Variants in TMEM222 observed in about 807,000 individuals in gnomAD.
The protein encoded by TMEM222 is chromosome 1 open reading frame 160.
A neutral mutation model predicts 25.1 loss-of-function variants in TMEM222; 18 were observed. The observed-to-expected ratio is 0.72, with a 90% CI of 0.50 to 1.06. TMEM222 has a LOEUF of 1.06. TMEM222 is among the 50% of genes least tolerant of loss of function. The pLI is 0.00. For synonymous variants in TMEM222, 131 were observed against 117.9 expected (o/e 1.11, Z -0.72); for missense variants, 296 against 293.7 (o/e 1.01, Z -0.06).
At chr1:27,329,521 G>A (rs181077950) in intron 1 of TMEM222, among the ~76,000 whole-genome samples, 1 of 152,224 alleles carries the variant, frequency 6.6e-6, no homozygotes, top group East Asian at 1.9e-4. Context: ...GTCTGTGAAA[G>A]CCTGTGTTGT....
At chr1:27,332,975 C>T (rs372109862) in intron 3 of TMEM222, 1 of 289,160 alleles carries the variant, frequency 3.5e-6, no homozygotes, top group Non-Finnish European at 6.9e-6. Flanking sequence ...GCGCCCTGAC[C>T]TCCCAGCTCT....
rs370480091 is a variant in TMEM222 at position 27,324,973 on chromosome 1, C to T, written c.194+2582C>T. On this transcript the variant is annotated intron_variant, in intron 1 of 5. Transcript: ENST00000374076. Reference sequence around the variant, plus strand: ...CTCCAATATGGGGACTACAGTTTGACAGGAGATTTGGCGGGGACAGATCCA... The same window carrying T: ...CTCCAATATGGGGACTACAGTTTGATAGGAGATTTGGCGGGGACAGATCCA... Among the ~76,000 whole-genome samples the T allele has an allele frequency of 5.3e-5, 8 of 152,272 alleles. No individual in the cohort carries two copies. In the East Asian group the frequency reaches 1.4e-3, roughly 26 times the overall value.
At chr1:27,331,262 C>T in intron 2 of TMEM222, 1 of 670,184 alleles carries the variant, frequency 1.5e-6, no homozygotes, top group South Asian at 5.0e-5. Flanking sequence ...GGGGCTGTGA[C>T]CAAGACTGGT....
At chr1:27,331,620 C>T (rs532384374) in intron 2 of TMEM222, among the ~76,000 whole-genome samples, 21 of 152,358 alleles carry the variant, frequency 1.4e-4, no homozygotes, top group African/African-American at 5.1e-4. Context: ...CGCCCCCGCC[C>T]TGCTATGAAT....
intron 2 of TMEM222, 47 bp from the exon 3 acceptor site, chr1:27,332,023 G>A (rs369381557): frequency 6.2e-7 from 1 of 1,612,830 alleles, no homozygotes; most frequent in African/African-American, 1.3e-5. Flanking sequence ...TTGTCATCTG[G>A]CCCAAATGTA....
chr1:27,334,361 C>T (rs542144391), intron 5 of TMEM222, 80 bp downstream of exon 5: 50 of 1,588,354 alleles, frequency 3.1e-5, no homozygotes, highest in African/African-American at 5.4e-5. Flanking sequence ...CCATTCCTAG[C>T]GTCCTTCAGT....
intron 1 of TMEM222, among the ~76,000 whole-genome samples, 174 bp downstream of exon 1, chr1:27,322,565 G>A (rs908818779): frequency 2.0e-5 from 3 of 152,246 alleles, no homozygotes; most frequent in Non-Finnish European, 4.4e-5. Context: ...TGTGCACACG[G>A]CTGGGACACG....
rs746596180 is a variant in TMEM222 at position 27,322,221 on chromosome 1, T to G, written c.24T>G (p.Ser8=). The G allele has an allele frequency of 1.4e-6, 2 of 1,443,292 alleles. No individual in the cohort carries two copies. The highest frequency in any genetic ancestry group is 5.3e-5 in the East Asian group (2 of 37,816). 89.4% of individuals were successfully genotyped at this position (1,443,292 alleles called of 1,614,324 possible). ...GCATGGCGGAAGCGGAAGGGAGTTC[T>G]CTGCTCTTGTTGCCGCCGCCGCCAC... MAEAEGS[S]LLLLPPPPPP... The change falls in exon 1 of 6, where the codon TCT becomes TCG. Residue 8 remains serine (S), a synonymous_variant. Coordinates refer to ENST00000374076, the MANE Select transcript of TMEM222 (RefSeq NM_032125.3).
intron 1 of TMEM222, among the ~76,000 whole-genome samples, chr1:27,322,792 G>A (rs2014239026): frequency 6.6e-6 from 1 of 152,174 alleles, no homozygotes; most frequent in South Asian, 2.1e-4. Flanking sequence ...GGGTCTGGGA[G>A]CAAGAGTGGG....
Position 27,335,645 on chromosome 1 carries a change from C to T in TMEM222, c.*179C>T, listed in dbSNP as rs879236436. 4.2e-5 allele frequency: 26 copies of T among 626,086 alleles called. No individual in the cohort carries two copies. In the South Asian group the frequency reaches 4.6e-4, roughly 11 times the overall value. The allele number at this position is 626,086 out of a possible 1,614,324, so 38.8% of individuals were successfully genotyped here. ...CCAGCATGAAGTGGGGGTTTGTTGTCTCCCTGCCTCTCAGAAGCACCCTGT... is the reference window on the plus strand; with the variant it reads ...CCAGCATGAAGTGGGGGTTTGTTGTTTCCCTGCCTCTCAGAAGCACCCTGT... On this transcript the variant is annotated 3_prime_UTR_variant, in exon 6 of 6. Transcript: ENST00000374076.
chr1:27,333,945 T>C lies in TMEM222; in HGVS notation c.312-13T>C, dbSNP rs533699510. On this transcript the variant is annotated splice_polypyrimidine_tract_variant and intron_variant, in intron 3 of 5. Coordinates refer to ENST00000374076, the MANE Select transcript of TMEM222 (RefSeq NM_032125.3). ...GAGCCAAGCAAGTGTCCAGAGCCCT[T>C]CTCTCCCCCCAGGTACTGGAAGTTG... The C allele has an allele frequency of 6.9e-5, 112 of 1,612,218 alleles. 1 individual carries two copies. The South Asian group carries it at 1.1e-3, about 15-fold the overall frequency.
chr1:27,332,804 G>A, intron 3 of TMEM222: 1 of 455,986 alleles, frequency 2.2e-6, no homozygotes, highest in Non-Finnish European at 4.0e-6. Context: ...CAGCAGTGTA[G>A]TCCAGGAGTC....
intron 2 of TMEM222, 43 bp downstream of exon 2, chr1:27,330,847 G>C: frequency 6.2e-7 from 1 of 1,609,078 alleles, no homozygotes; most frequent in Non-Finnish European, 8.5e-7. Context: ...CAAGGTTTAA[G>C]TGGAAGGCTG....
At chr1:27,331,967 G>C in intron 2 of TMEM222, 103 bp from the exon 3 acceptor site, 1 of 1,239,048 alleles carries the variant, frequency 8.1e-7, no homozygotes, top group Non-Finnish European at 1.2e-6. Context: ...CCCCACCCCT[G>C]ACATACCCTC....
At chr1:27,327,612 C>A (rs1244235584) in intron 1 of TMEM222, among the ~76,000 whole-genome samples, 1 of 152,146 alleles carries the variant, frequency 6.6e-6, no homozygotes, top group African/African-American at 2.4e-5. Context: ...TGGTCTCGAA[C>A]TCCTGACCTC....
At chr1:27,332,877 T>C (rs1316302466) in intron 3 of TMEM222, 6 of 306,310 alleles carry the variant, frequency 2.0e-5, no homozygotes, top group Non-Finnish European at 3.8e-5. Flanking sequence ...GGCATCATTT[T>C]CCAAGCAGTA....
intron 1 of TMEM222, chr1:27,325,910 C>A: frequency 2.9e-6 from 2 of 700,840 alleles, no homozygotes; most frequent in South Asian, 2.9e-5. Flanking sequence ...AATAAGCCTT[C>A]GAAAAGAAAT....
chr1:27,332,697 G>A, intron 3 of TMEM222: 1 of 605,272 alleles, frequency 1.7e-6, no homozygotes, highest in South Asian at 1.9e-5. Context: ...GGCTGCACTG[G>A]GAGGAGAGAC....
intron 1 of TMEM222, among the ~76,000 whole-genome samples, chr1:27,327,461 T>C (rs2014378880): frequency 6.6e-6 from 1 of 152,228 alleles, no homozygotes; most frequent in Admixed American, 6.5e-5. Context: ...TGATCTCAGC[T>C]CACTGCATCC....
Sources: allele counts gnomAD v4.1 joint callset (sites outside exome capture counted in the v4.1 genomes callset), GRCh38; gene constraint gnomAD v4.1.1; transcripts MANE v1.5; gene names NCBI Gene and HGNC (gene_info 2026-07-23, HGNC 2026-07-21).